CCNY: variants seen among roughly 807,000 people sequenced by gnomAD.
CCNY encodes cyclin-Y.
Under a neutral mutation model 42.8 loss-of-function variants are expected in CCNY, and 19 were observed. That is an observed-to-expected ratio of 0.44 (90% CI 0.31 to 0.65). The LOEUF is 0.65. Among genes scored for constraint, CCNY ranks in the 30% least tolerant of loss-of-function variants. The pLI is 0.07. For synonymous variants in CCNY, 165 were observed against 162.7 expected (o/e 1.01, Z -0.11); for missense variants, 370 against 437.3 (o/e 0.85, Z 1.37).
At chr10:35,469,261 G>A (rs1379648321) in intron 1 of CCNY, among the ~76,000 whole-genome samples, 2 of 152,220 alleles carry the variant, frequency 1.3e-5, no homozygotes, top group Non-Finnish European at 2.9e-5. Flanking sequence ...TTAAAAGGCT[G>A]TATTATATTT....
At chr10:35,332,180 G>C (rs2135105766), upstream of CCNY, among the ~76,000 whole-genome samples, 1 of 152,324 alleles carries the variant, frequency 6.6e-6, no homozygotes, top group South Asian at 2.1e-4. Flanking sequence ...GAATGTCTTG[G>C]TTATTTCACA....
At chr10:35,443,185 T>C (rs546840414) in intron 1 of CCNY, among the ~76,000 whole-genome samples, 1 of 152,230 alleles carries the variant, frequency 6.6e-6, no homozygotes, top group African/African-American at 2.4e-5. Context: ...AGAACATTTG[T>C]GTATACTACC....
chr10:35,502,231 C>G (rs1840125449), intron 3 of CCNY, among the ~76,000 whole-genome samples: 1 of 152,172 alleles, frequency 6.6e-6, no homozygotes. Flanking sequence ...ACACCTTCTT[C>G]TTAGAAATAT....
intron 1 of CCNY, among the ~76,000 whole-genome samples, chr10:35,400,686 GT>G (rs1837624445): frequency 1.3e-5 from 2 of 152,312 alleles, no homozygotes; most frequent in South Asian, 4.1e-4. Context: ...TACTTAAACA[GT>G]ATTTTTGATG....
intron 3 of CCNY, among the ~76,000 whole-genome samples, chr10:35,279,110 GTT>G (rs869276523): frequency 6.0e-4 from 62 of 102,800 alleles, no homozygotes; most frequent in Middle Eastern, 5.7e-3. Context: ...AGCTTTCAAT[GTT>G]TTTTTTTTTT....
intron 1 of CCNY, among the ~76,000 whole-genome samples, chr10:35,391,965 C>T (rs866328425): frequency 7.8e-6 from 1 of 127,886 alleles, no homozygotes; most frequent in Non-Finnish European, 1.7e-5. Context: ...TCACAGGAAT[C>T]GCAGCCTTCT....
At chr10:35,269,682 G>A (rs1364678921) in intron 3 of CCNY, among the ~76,000 whole-genome samples, 1 of 147,968 alleles carries the variant, frequency 6.8e-6, no homozygotes, top group Non-Finnish European at 1.5e-5. Flanking sequence ...AGGCTGGAGT[G>A]CAGTGGCATG....
intron 3 of CCNY, among the ~76,000 whole-genome samples, chr10:35,329,833 T>C (rs1363175643): frequency 1.3e-5 from 2 of 152,106 alleles, no homozygotes; most frequent in African/African-American, 4.8e-5. Flanking sequence ...GGGTTTTTAG[T>C]TAAAAACAAT....
chr10:35,469,131 G>A (rs1839331148), intron 1 of CCNY, among the ~76,000 whole-genome samples: 1 of 152,162 alleles, frequency 6.6e-6, no homozygotes, highest in African/African-American at 2.4e-5. Context: ...TGTCACCTTA[G>A]TCAAAACCCA....
rs1205914714 is a variant in CCNY, at chr10:35,336,952, C to T, written c.-102C>T. The T allele has an allele frequency of 9.4e-5, 85 of 908,936 alleles. No individual in the cohort carries two copies. The highest frequency in any genetic ancestry group is 1.1e-4 in the Non-Finnish European group (82 of 713,342). The allele number at this position is 908,936 out of a possible 1,614,324, so 56.3% of individuals were successfully genotyped here. ...CCTCCCGTGGCGGCGAGCGGGCGGG[C>T]CTCCCCACACGCCCCCGCCGCCCGC... On this transcript the variant is annotated 5_prime_UTR_variant, in exon 1 of 10. Transcript: ENST00000374704.
Position 35,569,174 on chromosome 10 carries a change from C to A in CCNY, c.*4C>A. The A allele has an allele frequency of 6.5e-7, 1 of 1,549,188 alleles. No individual in the cohort carries two copies. Among genetic ancestry groups the A allele is most frequent in the Non-Finnish European group, 8.9e-7 (1 of 1,123,800 alleles). On this transcript the variant is annotated 3_prime_UTR_variant, in exon 10 of 10. Transcript: ENST00000374704. Reference sequence around the variant, plus strand: ...GTCCCCAGCCATCATCTCTTAACTACGGAGGCCCGCCGGAGGCCACACCAT... The same window carrying A: ...GTCCCCAGCCATCATCTCTTAACTAAGGAGGCCCGCCGGAGGCCACACCAT...
intron 7 of CCNY, among the ~76,000 whole-genome samples, chr10:35,534,198 A>C (rs1840831027): frequency 6.6e-6 from 1 of 151,638 alleles, no homozygotes; most frequent in South Asian, 2.1e-4. Context: ...ATTTTTCTTG[A>C]ATTTTTAGTA....
intron 7 of CCNY, among the ~76,000 whole-genome samples, chr10:35,549,599 C>G (rs1208420648): frequency 2.1e-5 from 3 of 142,662 alleles, no homozygotes; most frequent in Non-Finnish European, 4.6e-5. Flanking sequence ...TGCTCATGAC[C>G]CTGCGCTGCT....
At chr10:35,389,136 C>G (rs1463376047) in intron 1 of CCNY, among the ~76,000 whole-genome samples, 5 of 152,214 alleles carry the variant, frequency 3.3e-5, no homozygotes, top group Non-Finnish European at 4.4e-5. Flanking sequence ...GGACGTTATT[C>G]TGCCTAGGAC....
chr10:35,282,736 A>G (rs909774159), intron 3 of CCNY, among the ~76,000 whole-genome samples: 2 of 151,130 alleles, frequency 1.3e-5, no homozygotes, highest in East Asian at 1.9e-4. Context: ...AAAAAAAAAA[A>G]AGAAAAGAAA....
upstream of CCNY, among the ~76,000 whole-genome samples, chr10:35,332,900 G>A (rs907751575): frequency 6.6e-6 from 1 of 152,108 alleles, no homozygotes; most frequent in Non-Finnish European, 1.5e-5. Context: ...CACCGCGCCC[G>A]GCCCACCTGA....
At chr10:35,549,491 G>A (rs1342507623) in intron 7 of CCNY, among the ~76,000 whole-genome samples, 24 of 135,376 alleles carry the variant, frequency 1.8e-4, no homozygotes, top group African/African-American at 8.3e-5. Flanking sequence ...GCTGCTCATG[G>A]CCCATGACCC....
intron 1 of CCNY, among the ~76,000 whole-genome samples, chr10:35,345,987 G>C (rs1006251294): frequency 6.6e-6 from 1 of 152,178 alleles, no homozygotes; most frequent in African/African-American, 2.4e-5. Flanking sequence ...TGTGTCCCCG[G>C]AACCACATTC....
At chr10:35,393,177 C>A (rs1837451703) in intron 1 of CCNY, among the ~76,000 whole-genome samples, 1 of 152,162 alleles carries the variant, frequency 6.6e-6, no homozygotes, top group Non-Finnish European at 1.5e-5. Flanking sequence ...GTCTTCCTCA[C>A]CATTTTAATA....
Sources: allele counts gnomAD v4.1 joint callset (sites outside exome capture counted in the v4.1 genomes callset), GRCh38; gene constraint gnomAD v4.1.1; transcripts MANE v1.5; gene names NCBI Gene and HGNC (gene_info 2026-07-23, HGNC 2026-07-21).